The following INTS7 variants were observed in gnomAD, a reference collection of about 807,000 sequenced individuals.
The protein encoded by INTS7 is integrator complex subunit 7, also known as chromosome 1 open reading frame 73.
A neutral mutation model predicts 109.2 loss-of-function variants in INTS7; 46 were observed. The ratio of observed to expected loss-of-function variants is 0.42; its 90% CI spans 0.33 to 0.54. INTS7 has a LOEUF of 0.54. Among genes scored for constraint, INTS7 ranks in the 20% least tolerant of loss-of-function variants. The pLI is 0.07. For missense variants in INTS7, 929 were observed against 1,132.4 expected, an observed-to-expected ratio of 0.82 and a Z score of 2.58; for synonymous variants, 412 against 402.9, an observed-to-expected ratio of 1.02 and a Z score of -0.27.
intron 16 of INTS7, among the ~76,000 whole-genome samples, chr1:211,955,858 A>T (rs1432877910): frequency 6.6e-6 from 1 of 152,242 alleles, no homozygotes; most frequent in Non-Finnish European, 1.5e-5. Context: ...GCTGGGCTCC[A>T]AAGTTCTGTT....
At chr1:211,982,574 G>C (rs1369710481) in intron 9 of INTS7, 102 bp downstream of exon 9, 1 of 828,930 alleles carries the variant, frequency 1.2e-6, no homozygotes. Flanking sequence ...TGTAGATCAA[G>C]GCACACAGGC....
At position 211,991,460 on chromosome 1, in the gene INTS7, T is replaced by A. The variant is rs117436871; in HGVS notation, c.880-3457A>T. ...AAATATACAAAAAAATAGATATTGGTTGCCACTGGGCAAAGGAGCTACATA... is the reference window on the plus strand; with the variant it reads ...AAATATACAAAAAAATAGATATTGGATGCCACTGGGCAAAGGAGCTACATA... On this transcript the variant is annotated intron_variant, in intron 7 of 19. Coordinates refer to ENST00000366994, the MANE Select transcript of INTS7 (RefSeq NM_015434.4). Among the ~76,000 whole-genome samples the A allele has an allele frequency of 1.6e-4, 25 of 152,338 alleles. No homozygotes were observed. In the East Asian group the frequency reaches 4.4e-3, roughly 27 times the overall value.
intron 16 of INTS7, among the ~76,000 whole-genome samples, chr1:211,961,198 A>G (rs910488671): frequency 5.3e-5 from 8 of 152,068 alleles, no homozygotes; most frequent in African/African-American, 1.9e-4. Flanking sequence ...CCAACCTAGA[A>G]AAAGAGGCCA....
At chr1:212,020,638 G>T in intron 2 of INTS7, 1 of 502,666 alleles carries the variant, frequency 2.0e-6, no homozygotes, top group Non-Finnish European at 2.6e-6. Context: ...ATATGAGCAC[G>T]AGTGCATGGA....
chr1:211,979,061 A>T (rs1269814350), intron 10 of INTS7, among the ~76,000 whole-genome samples: 2 of 152,306 alleles, frequency 1.3e-5, no homozygotes, highest in Admixed American at 6.5e-5. Flanking sequence ...CTAAAAACCA[A>T]TTTGGCTACA....
intron 1 of INTS7, among the ~76,000 whole-genome samples, chr1:212,033,559 C>G (rs1667266271): frequency 6.6e-6 from 1 of 152,108 alleles, no homozygotes. Context: ...TTTTTTCTTA[C>G]AACTGCAAAA....
intron 6 of INTS7, among the ~76,000 whole-genome samples, chr1:212,007,004 T>C (rs1243874724): frequency 2.0e-5 from 3 of 152,126 alleles, no homozygotes; most frequent in Non-Finnish European, 4.4e-5. Context: ...TCTTTTTTTT[T>C]TTTTATACGG....
intron 1 of INTS7, among the ~76,000 whole-genome samples, chr1:212,021,766 T>C (rs3009983): frequency 6.6e-6 from 1 of 151,892 alleles, no homozygotes; most frequent in Non-Finnish European, 1.5e-5. Context: ...ACGAATCACT[T>C]GAGCCTGGGA....
At position 212,021,218 on chromosome 1, in the gene INTS7, G is replaced by GA. The variant is rs771470578; in HGVS notation, c.95-7dup. The GA allele has an allele frequency of 7.2e-3, 9,534 of 1,329,896 alleles. No individual in the cohort carries two copies. The highest frequency in any genetic ancestry group is 0.014 in the South Asian group (936 of 67,168). The allele number at this position is 1,329,896 out of a possible 1,614,324, so 82.4% of individuals were successfully genotyped here. On this transcript the variant is annotated splice_region_variant and splice_polypyrimidine_tract_variant and intron_variant, in intron 1 of 19. Transcript: ENST00000366994. ...AAGTTTGCCAGATCTTAGGCCTATG[G>GA]AAAAAAAAAAGCACAGAGAGGGAAG...
rs956605845 is a variant in INTS7, at chr1:211,941,690, A to G, written c.*134T>C. On this transcript the variant is annotated 3_prime_UTR_variant, in exon 20 of 20. Coordinates refer to ENST00000366994, the MANE Select transcript of INTS7 (RefSeq NM_015434.4). ...TTTTTAAGAAAACAAAATTTTTTCC[A>G]GAATATTACATTACAAAAATCAATG... is the stretch of plus-strand genomic sequence containing the variant. 7.3e-7 allele frequency: 1 copy of G among 1,367,878 alleles called. No individual in the cohort carries two copies. Among genetic ancestry groups the G allele is most frequent in the Non-Finnish European group, 9.8e-7 (1 of 1,019,430 alleles). 84.7% of individuals were successfully genotyped at this position (1,367,878 alleles called of 1,614,324 possible). A position where few individuals can be genotyped will look rare whatever the true frequency, so the allele number is the denominator to read the frequency against.
intron 7 of INTS7, among the ~76,000 whole-genome samples, chr1:211,993,086 T>C (rs545804743): frequency 3.0e-4 from 46 of 152,232 alleles, no homozygotes; most frequent in Non-Finnish European, 5.1e-4. Flanking sequence ...CAGAAAAGTA[T>C]AGTAAAAAGG....
intron 16 of INTS7, among the ~76,000 whole-genome samples, chr1:211,960,912 G>A (rs962286105): frequency 1.3e-5 from 2 of 152,244 alleles, no homozygotes; most frequent in Admixed American, 1.3e-4. Context: ...CTACTCAGAA[G>A]GCTGAGGCAG....
chr1:211,952,354 A>G lies in INTS7; in HGVS notation c.2316+215T>C, dbSNP rs914479993. On this transcript the variant is annotated intron_variant, in intron 17 of 19. Transcript: ENST00000366994. ...GTAGAGCAGATTTTTATATATTAAT[A>G]TAACTACGTAGCAGCTAGAGATGTG... The G allele has an allele frequency of 2.1e-5, 8 of 390,172 alleles. No homozygotes were observed. The Admixed American group carries it at 2.7e-4, about 13-fold the overall frequency. 24.2% of individuals were successfully genotyped at this position (390,172 alleles called of 1,614,324 possible).
At chr1:212,026,286 T>G (rs1666914393) in intron 1 of INTS7, among the ~76,000 whole-genome samples, 1 of 152,260 alleles carries the variant, frequency 6.6e-6, no homozygotes, top group Non-Finnish European at 1.5e-5. Context: ...TGCACTCATG[T>G]TAGTTATTCA....
chr1:211,963,846 A>T (rs1272031730), intron 16 of INTS7, among the ~76,000 whole-genome samples: 2 of 152,190 alleles, frequency 1.3e-5, no homozygotes, highest in East Asian at 3.8e-4. Context: ...CATACCTCAA[A>T]ATAATAAGAG....
chr1:212,032,714 C>G (rs576816988), intron 1 of INTS7, among the ~76,000 whole-genome samples: 1 of 152,136 alleles, frequency 6.6e-6, no homozygotes, highest in African/African-American at 2.4e-5. Context: ...CTCCTGACTT[C>G]GTGATCCGCC....
intron 16 of INTS7, among the ~76,000 whole-genome samples, chr1:211,956,125 T>C (rs1663350101): frequency 6.6e-6 from 1 of 152,216 alleles, no homozygotes. Flanking sequence ...TTCCCTTTTA[T>C]ATATGTAGTT....
At chr1:211,952,053 T>C (rs937274606) in intron 17 of INTS7, among the ~76,000 whole-genome samples, 15 of 152,174 alleles carry the variant, frequency 9.9e-5, no homozygotes, top group African/African-American at 3.4e-4. Flanking sequence ...AAATGACTCA[T>C]TGCCAGTCAG....
intron 5 of INTS7, among the ~76,000 whole-genome samples, chr1:212,007,784 CACAA>C (rs1380451132): frequency 1.3e-5 from 2 of 152,112 alleles, no homozygotes; most frequent in Non-Finnish European, 2.9e-5. Context: ...CATATATATA[CACAA>C]ACACACACAC....
Sources: allele counts gnomAD v4.1 joint callset (sites outside exome capture counted in the v4.1 genomes callset), GRCh38; gene constraint gnomAD v4.1.1; transcripts MANE v1.5; gene names NCBI Gene and HGNC (gene_info 2026-07-23, HGNC 2026-07-21).